NOXRED1: variants seen among roughly 807,000 people sequenced by gnomAD.
NOXRED1 encodes NADP-dependent oxidoreductase domain-containing protein 1.
NOXRED1 carries 20 observed loss-of-function variants against 30.4 expected under a neutral mutation model. That is an observed-to-expected ratio of 0.66 (90% CI 0.46 to 0.96). NOXRED1 has a LOEUF of 0.96. NOXRED1 is among the 40% of genes least tolerant of loss of function. The probability of loss-of-function intolerance (pLI) is 0.00; values close to 1 mark genes in which losing one functional copy is unlikely to be tolerated. For synonymous variants in NOXRED1, 155 were observed against 168.0 expected (o/e 0.92, Z 0.60); for missense variants, 374 against 428.0 (o/e 0.87, Z 1.11).
intron 5 of NOXRED1, among the ~76,000 whole-genome samples, chr14:77,401,543 A>G (rs533125049): frequency 6.6e-6 from 1 of 152,222 alleles, no homozygotes; most frequent in African/African-American, 2.4e-5. Context: ...AAAAAAATAT[A>G]AAAAATCAGC....
In NOXRED1 at chr14:77,394,361, A is replaced by C. The variant is rs1389518347; in HGVS notation, c.*270T>G. The C allele has an allele frequency of 3.6e-6, 1 of 279,098 alleles. No individual in the cohort carries two copies. The highest frequency in any genetic ancestry group is 5.2e-5 in the Admixed American group (1 of 19,370). 17.3% of individuals were successfully genotyped at this position (279,098 alleles called of 1,614,324 possible). Reference sequence around the variant, plus strand: ...TTTTAGAAGAGAAATAATTTGTATTAACAAGACTTTTCTGCGGGAGCAGCT... The same window carrying C: ...TTTTAGAAGAGAAATAATTTGTATTCACAAGACTTTTCTGCGGGAGCAGCT... On this transcript the variant is annotated 3_prime_UTR_variant, in exon 6 of 6. Transcript: ENST00000380835.
intron 1 of NOXRED1, among the ~76,000 whole-genome samples, chr14:77,415,957 C>G (rs145852025): frequency 6.6e-6 from 1 of 152,050 alleles, no homozygotes; most frequent in African/African-American, 2.4e-5. Context: ...TCAAGTGATC[C>G]GCCCACCTCC....
chr14:77,424,090 C>A (rs1895068074), upstream of NOXRED1, among the ~76,000 whole-genome samples: 2 of 152,164 alleles, frequency 1.3e-5, no homozygotes, highest in Admixed American at 6.5e-5. Flanking sequence ...AATATGTGAC[C>A]TTTTGTGTCT....
intron 1 of NOXRED1, among the ~76,000 whole-genome samples, chr14:77,419,605 C>T (rs1398019571): frequency 2.6e-5 from 4 of 151,730 alleles, no homozygotes; most frequent in African/African-American, 4.8e-5. Context: ...CCCGCCACCA[C>T]GCCCGGCTAA....
Position 77,407,763 on chromosome 14 carries a change from C to G in NOXRED1, c.350-118G>C, listed in dbSNP as rs191083399. ...CAGTAAATCAACCCATCTTATTGCTCCATAAATCAGAAGATATTCCTTCCT... is the reference window on the plus strand; with the variant it reads ...CAGTAAATCAACCCATCTTATTGCTGCATAAATCAGAAGATATTCCTTCCT... On this transcript the variant is annotated intron_variant, in intron 2 of 5. Coordinates refer to ENST00000380835, the MANE Select transcript of NOXRED1 (RefSeq NM_001113475.3). 4 of 686,498 alleles carry G rather than the reference C, an allele frequency of 5.8e-6. No homozygotes were observed. In the East Asian group the frequency reaches 1.1e-4, roughly 19 times the overall value. The allele number at this position is 686,498 out of a possible 1,614,324, so 42.5% of individuals were successfully genotyped here.
intron 4 of NOXRED1, 45 bp downstream of exon 4, chr14:77,406,679 G>T (rs1894474677): frequency 1.3e-6 from 2 of 1,580,180 alleles, no homozygotes; most frequent in Admixed American, 1.7e-5. Context: ...GGGCCAACAG[G>T]AAAGTAATTT....
chr14:77,407,660 G>A lies in NOXRED1; in HGVS notation c.350-15C>T, dbSNP rs1302989880. On this transcript the variant is annotated splice_polypyrimidine_tract_variant and intron_variant, in intron 2 of 5. Coordinates refer to ENST00000380835, the MANE Select transcript of NOXRED1 (RefSeq NM_001113475.3). ...CTGGAGCTCACCTGGGAGGGATAAA[G>A]GAAGACAGGAAGAGCACAGTACTAA... The A allele has an allele frequency of 4.4e-6, 7 of 1,596,156 alleles. No individual in the cohort carries two copies. The highest frequency in any genetic ancestry group is 2.7e-5 in the African/African-American group (2 of 74,528).
At chr14:77,402,089 G>C (rs556795016) in intron 5 of NOXRED1, among the ~76,000 whole-genome samples, 13 of 152,282 alleles carry the variant, frequency 8.5e-5, no homozygotes, top group Non-Finnish European at 1.3e-4. Context: ...TAACATAGGA[G>C]AAAATCTAGA....
chr14:77,425,143 A>G (rs1039850895), upstream of NOXRED1, among the ~76,000 whole-genome samples: 2 of 152,114 alleles, frequency 1.3e-5, no homozygotes, highest in Non-Finnish European at 2.9e-5. Flanking sequence ...CATGGTTTCT[A>G]GCTTGTCCCT....
chr14:77,396,790 A>C (rs1894199357), intron 5 of NOXRED1, among the ~76,000 whole-genome samples: 1 of 152,230 alleles, frequency 6.6e-6, no homozygotes, highest in African/African-American at 2.4e-5. Flanking sequence ...AAAGCAAAGA[A>C]TATCTAGAGA....
chr14:77,395,475 A>G (rs1894157671), intron 5 of NOXRED1, among the ~76,000 whole-genome samples: 1 of 152,028 alleles, frequency 6.6e-6, no homozygotes, highest in Non-Finnish European at 1.5e-5. Context: ...GAAGAAGTCT[A>G]ATTGCTTTTA....
intron 3 of NOXRED1, 70 bp downstream of exon 3, chr14:77,407,395 T>C: frequency 9.0e-7 from 1 of 1,106,290 alleles, no homozygotes; most frequent in Non-Finnish European, 1.4e-6. Flanking sequence ...ACAGTGGAGG[T>C]GGGAGGCAGA....
At chr14:77,408,057 G>A (rs559765317) in intron 2 of NOXRED1, among the ~76,000 whole-genome samples, 3 of 152,046 alleles carry the variant, frequency 2.0e-5, no homozygotes, top group South Asian at 2.1e-4. Context: ...TAGTAGAGAC[G>A]GGGTTTCACT....
intron 2 of NOXRED1, among the ~76,000 whole-genome samples, chr14:77,410,417 C>G (rs1894619775): frequency 6.6e-6 from 1 of 152,158 alleles, no homozygotes; most frequent in East Asian, 1.9e-4. Flanking sequence ...CCAGCCTGGC[C>G]AACATGGCAA....
rs1053836483 is a variant in NOXRED1, at chr14:77,422,977, G to A, written c.-88C>T. The A allele has an allele frequency of 1.5e-4, 164 of 1,083,376 alleles. No individual in the cohort carries two copies. Among genetic ancestry groups the A allele is most frequent in the Admixed American group, 6.6e-5 (3 of 45,250 alleles). 67.1% of individuals were successfully genotyped at this position (1,083,376 alleles called of 1,614,324 possible). A position where few individuals can be genotyped will look rare whatever the true frequency, so the allele number is the denominator to read the frequency against. On this transcript the variant is annotated 5_prime_UTR_variant, in exon 1 of 6. Coordinates refer to ENST00000380835, the MANE Select transcript of NOXRED1 (RefSeq NM_001113475.3). ...AGAGGGGTCTATGTAGGAGGTGTGT[G>A]TATGATGGTGTGTGTGCCCAGGTCA... is the stretch of plus-strand genomic sequence containing the variant.
chr14:77,402,589 G>A (rs897371769), intron 5 of NOXRED1, among the ~76,000 whole-genome samples: 17 of 149,184 alleles, frequency 1.1e-4, no homozygotes, highest in African/African-American at 3.5e-4. Flanking sequence ...AGCCGAGATC[G>A]TGCCATTGCA....
chr14:77,397,158 A>G (rs1043502638), intron 5 of NOXRED1, among the ~76,000 whole-genome samples: 1 of 152,240 alleles, frequency 6.6e-6, no homozygotes. Context: ...ATGTCCTTCA[A>G]CAGGTGAATG....
chr14:77,406,849 T>C lies in NOXRED1; in HGVS notation c.557A>G (p.Asn186Ser), dbSNP rs750547333. 1.4e-5 allele frequency: 23 copies of C among 1,613,930 alleles called. No individual in the cohort carries two copies. The highest frequency in any genetic ancestry group is 1.8e-5 in the Non-Finnish European group (21 of 1,179,992). The change falls in exon 4 of 6, where the codon AAT (asparagine) becomes AGT (serine). Residue 186 changes from asparagine to serine, a missense_variant. Physicochemically the swap from Asn to Ser is conservative, Grantham distance 46. Transcript: ENST00000380835. ...ATACTGATACTGAGGCCGCAAGATA[T>C]TGGTGTGGTTCAACAGTAGTTTCAG... ...PRLKLLLNHT[N>S]ILRPQYQYDE...
chr14:77,409,804 C>A (rs1894593313), intron 2 of NOXRED1, among the ~76,000 whole-genome samples: 1 of 150,874 alleles, frequency 6.6e-6, no homozygotes, highest in Non-Finnish European at 1.5e-5. Context: ...AGATATATAC[C>A]TTGAGATTTT....
Sources: allele counts gnomAD v4.1 joint callset (sites outside exome capture counted in the v4.1 genomes callset), GRCh38; gene constraint gnomAD v4.1.1; transcripts MANE v1.5; gene names NCBI Gene and HGNC (gene_info 2026-07-23, HGNC 2026-07-21).